RUNDC3B: variants seen among roughly 807,000 people sequenced by gnomAD.
RUNDC3B encodes RUN domain containing 3B.
In RUNDC3B, 33 loss-of-function variants were observed where a neutral mutation model predicts 58.4. The ratio of observed to expected loss-of-function variants is 0.56; its 90% CI spans 0.43 to 0.75. RUNDC3B has a LOEUF of 0.75. Among genes scored for constraint, RUNDC3B ranks in the 30% least tolerant of loss-of-function variants. The probability of loss-of-function intolerance (pLI) is 0.00; values close to 1 mark genes in which losing one functional copy is unlikely to be tolerated. For missense variants in RUNDC3B, 501 were observed against 535.7 expected, an observed-to-expected ratio of 0.94 and a Z score of 0.64; for synonymous variants, 193 against 195.2, an observed-to-expected ratio of 0.99 and a Z score of 0.10.
intron 8 of RUNDC3B, among the ~76,000 whole-genome samples, chr7:87,795,018 C>T (rs1208030255): frequency 6.6e-6 from 1 of 152,122 alleles, no homozygotes; most frequent in African/African-American, 2.4e-5. Flanking sequence ...AACTATGAAG[C>T]TACTACAGGA....
intron 2 of RUNDC3B, among the ~76,000 whole-genome samples, chr7:87,657,467 G>A (rs1355643197): frequency 1.3e-5 from 2 of 152,082 alleles, no homozygotes; most frequent in Non-Finnish European, 1.5e-5. Context: ...TTAGAATTCC[G>A]CCCTCCTGAG....
chr7:87,772,689 ATAGAAGGGAGCACAT>A (rs1037103913), intron 7 of RUNDC3B, among the ~76,000 whole-genome samples: 6 of 152,192 alleles, frequency 3.9e-5, no homozygotes, highest in African/African-American at 1.4e-4. Flanking sequence ...GATCGATATA[ATAGAAGGGAGCACAT>A]TAGAAAAAAT....
At chr7:87,638,345 TTGTGTGTG>T (rs71524692) in intron 1 of RUNDC3B, among the ~76,000 whole-genome samples, 21 of 144,790 alleles carry the variant, frequency 1.5e-4, no homozygotes, top group East Asian at 8.2e-4. Context: ...AAGTATGTGT[TTGTGTGTG>T]TGTGTGTGTG....
At position 87,658,007 on chromosome 7, in the gene RUNDC3B, G is replaced by T. The variant is rs560241728; in HGVS notation, c.238+7070G>T. 3.3e-5 allele frequency among the ~76,000 whole-genome samples: 5 copies of T among 152,220 alleles called. 1 individual carries two copies. The highest frequency in any genetic ancestry group is 4.4e-5 in the Non-Finnish European group (3 of 67,996). On this transcript the variant is annotated intron_variant, in intron 2 of 10. Coordinates refer to ENST00000394654, the MANE Select transcript of RUNDC3B (RefSeq NM_001134405.2). The stretch of plus-strand genomic sequence containing the variant: ...ATATAAATATGTCCAGCTTTCCATT[G>T]AAACCATTTGTCATACCAAGAACCA...
intron 8 of RUNDC3B, among the ~76,000 whole-genome samples, chr7:87,781,352 A>C (rs1283488336): frequency 6.8e-6 from 1 of 146,940 alleles, no homozygotes; most frequent in African/African-American, 2.5e-5. Context: ...CTGAAACTTT[A>C]CTGAAGTTGT....
intron 1 of RUNDC3B, among the ~76,000 whole-genome samples, chr7:87,638,628 G>A (rs1374968510): frequency 1.4e-5 from 2 of 147,204 alleles, no homozygotes; most frequent in Non-Finnish European, 3.0e-5. Context: ...TTTTTTTGCT[G>A]AGACTTTTCT....
intron 2 of RUNDC3B, among the ~76,000 whole-genome samples, chr7:87,667,552 C>T (rs974883697): frequency 6.6e-6 from 1 of 151,808 alleles, no homozygotes; most frequent in African/African-American, 2.4e-5. Context: ...TGAGAGAGGG[C>T]ATCCTTCTCA....
At chr7:87,644,730 T>A (rs1306449214) in intron 1 of RUNDC3B, among the ~76,000 whole-genome samples, 1 of 151,758 alleles carries the variant, frequency 6.6e-6, no homozygotes, top group Non-Finnish European at 1.5e-5. Context: ...GGAATATAAT[T>A]TTTTTTACTA....
intron 2 of RUNDC3B, among the ~76,000 whole-genome samples, chr7:87,661,277 C>A (rs1190768506): frequency 6.6e-6 from 1 of 151,756 alleles, no homozygotes; most frequent in African/African-American, 2.4e-5. Flanking sequence ...CAATTATACT[C>A]TTTTAGTTAT....
chr7:87,731,831 ACAC>A (rs899077941), intron 4 of RUNDC3B, among the ~76,000 whole-genome samples: 5 of 152,248 alleles, frequency 3.3e-5, no homozygotes, highest in African/African-American at 1.2e-4. Flanking sequence ...GGGGATTTCA[ACAC>A]CACATTTCAG....
At chr7:87,641,336 T>G (rs1261988148) in intron 1 of RUNDC3B, among the ~76,000 whole-genome samples, 1 of 152,208 alleles carries the variant, frequency 6.6e-6, no homozygotes, top group African/African-American at 2.4e-5. Flanking sequence ...CACTTTGCTT[T>G]ACTAGTGTTC....
At chr7:87,668,094 A>G (rs144848160) in intron 2 of RUNDC3B, among the ~76,000 whole-genome samples, 1 of 150,216 alleles carries the variant, frequency 6.7e-6, no homozygotes, top group African/African-American at 2.4e-5. Flanking sequence ...GGTAGAATTC[A>G]GTTATGAATC....
chr7:87,715,464 T>C (rs1347072194), intron 4 of RUNDC3B, among the ~76,000 whole-genome samples: 1 of 132,064 alleles, frequency 7.6e-6, no homozygotes, highest in African/African-American at 2.9e-5. Context: ...TATATTATAT[T>C]AATTTATATT....
At chr7:87,681,652 A>C (rs192049776) in intron 2 of RUNDC3B, among the ~76,000 whole-genome samples, 3 of 150,584 alleles carry the variant, frequency 2.0e-5, no homozygotes, top group Admixed American at 1.3e-4. Context: ...TCTTGCCTCA[A>C]TATTGATGGC....
intron 1 of RUNDC3B, among the ~76,000 whole-genome samples, chr7:87,649,066 T>C (rs1416125619): frequency 6.6e-6 from 1 of 152,200 alleles, no homozygotes; most frequent in Non-Finnish European, 1.5e-5. Flanking sequence ...TTCTAATTCT[T>C]TAACAGCTCC....
chr7:87,721,814 T>C (rs2130776431), intron 4 of RUNDC3B, among the ~76,000 whole-genome samples: 1 of 152,098 alleles, frequency 6.6e-6, no homozygotes, highest in South Asian at 2.1e-4. Flanking sequence ...TCTCTCTCTC[T>C]GATCTCATCT....
At chr7:87,701,204 T>G (rs1829005965) in intron 3 of RUNDC3B, among the ~76,000 whole-genome samples, 1 of 152,214 alleles carries the variant, frequency 6.6e-6, no homozygotes, top group Non-Finnish European at 1.5e-5. Context: ...ATGATTTTAC[T>G]GAAAAGAAAA....
intron 1 of RUNDC3B, among the ~76,000 whole-genome samples, chr7:87,639,749 C>G (rs1187007938): frequency 1.3e-5 from 2 of 151,946 alleles, no homozygotes; most frequent in Non-Finnish European, 2.9e-5. Flanking sequence ...CTTTTTCCAT[C>G]TTTTACTTTT....
intron 4 of RUNDC3B, among the ~76,000 whole-genome samples, chr7:87,716,072 GATTA>G (rs938644273): frequency 3.2e-4 from 48 of 152,064 alleles, no homozygotes; most frequent in African/African-American, 9.6e-4. Context: ...AAAATTAATT[GATTA>G]ATTAATTAAT....
Sources: allele counts gnomAD v4.1 joint callset (sites outside exome capture counted in the v4.1 genomes callset), GRCh38; gene constraint gnomAD v4.1.1; transcripts MANE v1.5; gene names NCBI Gene and HGNC (gene_info 2026-07-23, HGNC 2026-07-21).